DEPTOR: variants seen among roughly 807,000 people sequenced by gnomAD.
DEPTOR encodes the protein DEP domain-containing mTOR-interacting protein.
A neutral mutation model predicts 41.6 loss-of-function variants in DEPTOR; 41 were observed. That is an observed-to-expected ratio of 0.98 (90% CI 0.77 to 1.28). DEPTOR has a LOEUF of 1.28. DEPTOR is among the 50% of genes most tolerant of loss of function. DEPTOR has a pLI of 0.00. For synonymous variants in DEPTOR, 195 were observed against 192.3 expected, an observed-to-expected ratio of 1.01 and a Z score of -0.12; for missense variants, 514 against 527.9, an observed-to-expected ratio of 0.97 and a Z score of 0.26.
chr8:119,928,870 C>T (rs1305002693), intron 2 of DEPTOR, among the ~76,000 whole-genome samples: 1 of 151,496 alleles, frequency 6.6e-6, no homozygotes, highest in Non-Finnish European at 1.5e-5. Flanking sequence ...GGATTACAGG[C>T]GTGAGCCACT....
At chr8:119,919,327 C>G (rs1294529472) in intron 1 of DEPTOR, among the ~76,000 whole-genome samples, 1 of 152,064 alleles carries the variant, frequency 6.6e-6, no homozygotes, top group Non-Finnish European at 1.5e-5. Context: ...TAGTGACCTC[C>G]TATGTCCCCA....
chr8:120,048,041 A>C lies in DEPTOR; in HGVS notation c.1102-1535A>C, dbSNP rs1797765139. On this transcript the variant is annotated intron_variant, in intron 8 of 8. Coordinates refer to ENST00000286234, the MANE Select transcript of DEPTOR (RefSeq NM_022783.4). ...GAGGGAGACTCCATGTCAAAAAAAA[A>C]AAAAAGTAAATGGTGAAATGTGATC... 2.0e-5 allele frequency among the ~76,000 whole-genome samples: 3 copies of C among 152,202 alleles called. No homozygotes were observed. The South Asian group carries it at 6.2e-4, about 32-fold the overall frequency.
intron 8 of DEPTOR, among the ~76,000 whole-genome samples, chr8:120,033,623 G>A (rs1208422298): frequency 6.6e-6 from 1 of 152,186 alleles, no homozygotes; most frequent in Non-Finnish European, 1.5e-5. Flanking sequence ...GAGGTTAGAT[G>A]TTCTCTAGGA....
chr8:119,895,010 G>A (rs13260933), intron 1 of DEPTOR, among the ~76,000 whole-genome samples: 75,388 of 151,982 alleles, frequency 0.5, 20,412 homozygotes, highest in East Asian at 0.92. Flanking sequence ...GTAGAACGTT[G>A]TCAAAGTGAG....
chr8:119,912,086 C>A (rs1745092961), intron 1 of DEPTOR, among the ~76,000 whole-genome samples: 1 of 151,976 alleles, frequency 6.6e-6, no homozygotes, highest in Non-Finnish European at 1.5e-5. Flanking sequence ...GAAAGTAGAT[C>A]ATATCTGTTG....
intron 4 of DEPTOR, among the ~76,000 whole-genome samples, chr8:119,970,093 A>T (rs1266327747): frequency 6.6e-6 from 1 of 151,736 alleles, no homozygotes; most frequent in Admixed American, 6.6e-5. Context: ...ATTAACATGC[A>T]TGTGTATTTA....
intron 1 of DEPTOR, among the ~76,000 whole-genome samples, chr8:119,882,481 G>T (rs1295137999): frequency 6.6e-6 from 1 of 151,676 alleles, no homozygotes; most frequent in Non-Finnish European, 1.5e-5. Flanking sequence ...TTCAACCTCT[G>T]GGTCCTGGGC....
At chr8:119,985,488 C>A (rs1407116905) in intron 4 of DEPTOR, among the ~76,000 whole-genome samples, 1 of 152,030 alleles carries the variant, frequency 6.6e-6, no homozygotes, top group Admixed American at 6.5e-5. Flanking sequence ...AAATTTTCAC[C>A]CATTCTGTAG....
chr8:119,940,712 C>T (rs1417921179), intron 3 of DEPTOR, among the ~76,000 whole-genome samples: 2 of 151,818 alleles, frequency 1.3e-5, no homozygotes, highest in African/African-American at 2.4e-5. Flanking sequence ...TGCACTCCAG[C>T]GTGGGTGACG....
At chr8:120,026,764 T>G (rs1376271687) in intron 8 of DEPTOR, among the ~76,000 whole-genome samples, 1 of 152,218 alleles carries the variant, frequency 6.6e-6, no homozygotes, top group Non-Finnish European at 1.5e-5. Flanking sequence ...AAGTAAGTTG[T>G]ATGAAATAGA....
chr8:120,030,497 G>GTTTGTTTTTTTTTTTTTTGTTTTTT (rs1207108457), intron 8 of DEPTOR, among the ~76,000 whole-genome samples: 1 of 46,192 alleles, frequency 2.2e-5, no homozygotes, highest in East Asian at 6.7e-4. Context: ...AGGTTCATCA[G>GTTTGTTTTTTTTTTTTTTGTTTTTT]TTTTTTTTTT....
intron 8 of DEPTOR, among the ~76,000 whole-genome samples, chr8:120,032,589 C>T (rs940038885): frequency 2.0e-5 from 3 of 152,144 alleles, no homozygotes; most frequent in Non-Finnish European, 2.9e-5. Context: ...AAGGCTGTGA[C>T]CTTGTTGGCT....
chr8:119,966,471 C>T (rs1018710139), intron 4 of DEPTOR, among the ~76,000 whole-genome samples: 7 of 152,212 alleles, frequency 4.6e-5, no homozygotes, highest in African/African-American at 1.7e-4. Context: ...CTGAAAATCA[C>T]TGACAAGAGG....
At chr8:120,032,644 G>T (rs1252281238) in intron 8 of DEPTOR, among the ~76,000 whole-genome samples, 8 of 152,174 alleles carry the variant, frequency 5.3e-5, no homozygotes, top group Non-Finnish European at 5.9e-5. Context: ...GCCATCAGCT[G>T]GGGAGCAGAA....
chr8:119,926,516 A>T (rs1827965811), intron 1 of DEPTOR, among the ~76,000 whole-genome samples: 1 of 152,212 alleles, frequency 6.6e-6, no homozygotes, highest in Non-Finnish European at 1.5e-5. Flanking sequence ...TTGTTTTTTT[A>T]AAGTATAAGT....
At chr8:119,875,730 G>A (rs541347322) in intron 1 of DEPTOR, among the ~76,000 whole-genome samples, 8 of 152,298 alleles carry the variant, frequency 5.3e-5, no homozygotes, top group African/African-American at 1.9e-4. Context: ...GCATCTTTAA[G>A]ATCAAGAATG....
chr8:120,025,391 G>T (rs1294178171), intron 8 of DEPTOR, among the ~76,000 whole-genome samples: 2 of 151,390 alleles, frequency 1.3e-5, no homozygotes, highest in Non-Finnish European at 2.9e-5. Context: ...ATCAAATATT[G>T]TTGGCATTCT....
At chr8:119,990,316 C>T (rs1812132065) in intron 4 of DEPTOR, among the ~76,000 whole-genome samples, 1 of 152,042 alleles carries the variant, frequency 6.6e-6, no homozygotes, top group Non-Finnish European at 1.5e-5. Flanking sequence ...CACCACCATG[C>T]CCAGCTAACT....
At chr8:119,940,540 G>GT (rs1828189011) in intron 3 of DEPTOR, among the ~76,000 whole-genome samples, 2 of 152,044 alleles carry the variant, frequency 1.3e-5, no homozygotes, top group South Asian at 4.2e-4. Context: ...GAGGTCAGGA[G>GT]TTTGAGACCA....
Sources: allele counts gnomAD v4.1 joint callset (sites outside exome capture counted in the v4.1 genomes callset), GRCh38; gene constraint gnomAD v4.1.1; transcripts MANE v1.5; gene names NCBI Gene and HGNC (gene_info 2026-07-23, HGNC 2026-07-21).